Variants in ZNF208 observed in about 807,000 individuals in gnomAD.
The protein encoded by ZNF208 is zinc finger protein 95.
In ZNF208, 10 loss-of-function variants were observed where a neutral mutation model predicts 12.1. The observed-to-expected ratio is 0.83, with a 90% CI of 0.51 to 1.40. ZNF208 has a LOEUF of 1.40. Ranked by LOEUF, ZNF208 falls within the 40% of genes most tolerant of loss-of-function variation. ZNF208 has a pLI of 0.00. For missense variants in ZNF208, 1,652 were observed against 1,485.0 expected (o/e 1.11, Z -1.85); for synonymous variants, 497 against 488.4 (o/e 1.02, Z -0.23).
intron 3 of ZNF208, among the ~76,000 whole-genome samples, chr19:21,983,758 A>C (rs1481231974): frequency 6.6e-6 from 1 of 152,156 alleles, no homozygotes; most frequent in African/African-American, 2.4e-5. Flanking sequence ...AAGAACAGAA[A>C]ACGAAACACA....
In ZNF208 at chr19:21,982,594, T is replaced by C. The variant is rs558505296; in HGVS notation, c.226+4622A>G. ...AAAAAGAACAAAGCTGGAGGCATCA[T>C]GCTACCTGACTTCAAATTACCCTAT... On this transcript the variant is annotated intron_variant, in intron 3 of 3. Coordinates refer to ENST00000397126, the MANE Select transcript of ZNF208 (RefSeq NM_007153.3). 3.9e-5 allele frequency among the ~76,000 whole-genome samples: 6 copies of C among 152,188 alleles called. No individual in the cohort carries two copies. In the East Asian group the frequency reaches 7.7e-4, roughly 20 times the overall value.
rs149405849 is a variant in ZNF208 at position 21,970,285 on chromosome 19, A to G, written c.*906T>C. Among the ~76,000 whole-genome samples the G allele has an allele frequency of 1.7e-3, 264 of 152,246 alleles. No individual in the cohort carries two copies. The highest frequency in any genetic ancestry group is 5.8e-3 in the African/African-American group (242 of 41,568). On this transcript the variant is annotated 3_prime_UTR_variant, in exon 4 of 4. Transcript: ENST00000397126. Reference sequence around the variant, plus strand: ...CACACATGCATGGTTTCTCTCCAGTATGAGTTGTCTTATATGTAGTAAGCC... The same window carrying G: ...CACACATGCATGGTTTCTCTCCAGTGTGAGTTGTCTTATATGTAGTAAGCC...
At chr19:21,950,897 A>G (rs1969878357) in intron 4 of ZNF208, among the ~76,000 whole-genome samples, 1 of 152,228 alleles carries the variant, frequency 6.6e-6, no homozygotes, top group Admixed American at 6.5e-5. Flanking sequence ...CTGTTTGTCT[A>G]GATGGTTATA....
intron 4 of ZNF208, among the ~76,000 whole-genome samples, chr19:21,958,305 C>CA (rs2145524574): frequency 6.6e-6 from 1 of 152,036 alleles, no homozygotes; most frequent in East Asian, 1.9e-4. Flanking sequence ...TCCTGTAAGC[C>CA]AACCAGCAAT....
At chr19:21,963,344 T>A (rs1970109481), downstream of ZNF208, among the ~76,000 whole-genome samples, 1 of 152,110 alleles carries the variant, frequency 6.6e-6, no homozygotes, top group Non-Finnish European at 1.5e-5. Context: ...GAATCTAAAT[T>A]GAGTACTATA....
intron 1 of ZNF208, among the ~76,000 whole-genome samples, chr19:22,007,260 C>T (rs908918410): frequency 2.0e-5 from 3 of 152,120 alleles, no homozygotes; most frequent in African/African-American, 4.8e-5. Context: ...TGGCTCATGC[C>T]TGTAATCCCA....
intron 3 of ZNF208, among the ~76,000 whole-genome samples, chr19:21,981,813 C>T (rs1396067937): frequency 6.6e-6 from 1 of 152,126 alleles, no homozygotes; most frequent in Non-Finnish European, 1.5e-5. Context: ...GAAAACCCCA[C>T]TGTCTCAGCC....
rs931940246 is a variant in ZNF208 at position 21,966,183 on chromosome 19, T to C, written c.*5008A>G. 2.0e-5 allele frequency: 3 copies of C among 152,078 alleles called. No individual in the cohort carries two copies. Among genetic ancestry groups the C allele is most frequent in the African/African-American group, 7.2e-5 (3 of 41,444 alleles). 9.4% of individuals were successfully genotyped at this position (152,078 alleles called of 1,614,324 possible). A position where few individuals can be genotyped will look rare whatever the true frequency, so the allele number is the denominator to read the frequency against. ...ACAGGTAGACTACATGATGTTGAGG[T>C]TTGGATACTTAATAATTCCATTGCC... On this transcript the variant is annotated 3_prime_UTR_variant, in exon 4 of 4. Coordinates refer to ENST00000397126, the MANE Select transcript of ZNF208 (RefSeq NM_007153.3).
chr19:21,974,440 C>G lies in ZNF208; in HGVS notation c.594G>C (p.Glu198Asp). 6.2e-7 allele frequency: 1 copy of G among 1,613,790 alleles called. No homozygotes were observed. The highest frequency in any genetic ancestry group is 1.1e-5 in the South Asian group (1 of 91,068). Residue 198 changes from glutamate (E) to aspartate (D), a missense_variant, in exon 4 of 4, where the codon GAG becomes GAC. Coordinates refer to ENST00000397126, the MANE Select transcript of ZNF208 (RefSeq NM_007153.3). ...CACCTTCTTCACATTTGTAGGAATT[C>G]TCTCTAGTATAAATTCTTTTATGTT... is the stretch of plus-strand genomic sequence containing the variant. The part of the protein sequence containing the change: ...LSQHKRIYTR[E>D]NSYKCEEGGK...
intron 4 of ZNF208, among the ~76,000 whole-genome samples, chr19:21,956,123 G>A (rs936240106): frequency 6.6e-6 from 1 of 152,198 alleles, no homozygotes; most frequent in Admixed American, 6.5e-5. Context: ...GTTTGCCTGG[G>A]TATCACCAGC....
intron 3 of ZNF208, among the ~76,000 whole-genome samples, chr19:21,976,037 A>G (rs1355948187): frequency 6.6e-6 from 1 of 152,058 alleles, no homozygotes; most frequent in Non-Finnish European, 1.5e-5. Context: ...ACCTAATCAT[A>G]TAAAAATACA....
At chr19:21,955,256 C>G (rs1286867376) in intron 4 of ZNF208, among the ~76,000 whole-genome samples, 3 of 151,984 alleles carry the variant, frequency 2.0e-5, no homozygotes, top group Non-Finnish European at 4.4e-5. Flanking sequence ...TGGCTGCCCT[C>G]AACATTTTTT....
Position 21,972,115 on chromosome 19 carries a change from G to A in ZNF208, c.2919C>T (p.Tyr973=), listed in dbSNP as rs1202750833. The change falls in exon 4 of 4, where the codon TAC becomes TAT. Residue 973 remains tyrosine (Y), a synonymous_variant. Transcript: ENST00000397126. ...HKKIHTEEKP[Y]KYEECGKGFS... ...AGCCTTTGCCACATTCTTCATATTT[G>A]TAAGGTTTCTCTTCAGTATGAATTT... 3 of 1,609,976 alleles carry A rather than the reference G, an allele frequency of 1.9e-6. No individual in the cohort carries two copies. Among genetic ancestry groups the A allele is most frequent in the Admixed American group, 1.7e-5 (1 of 59,666 alleles).
Position 22,010,901 on chromosome 19 carries a change from T to C in ZNF208, c.-107A>G. ...TCTAGGAGCAGAGGACACACAGCAG[T>C]AAGGACGAGACCTTGACCTCCGGCT... On this transcript the variant is annotated 5_prime_UTR_variant, in exon 1 of 4. Transcript: ENST00000397126. 6.5e-7 allele frequency: 1 copy of C among 1,533,192 alleles called. No individual in the cohort carries two copies. Among genetic ancestry groups the C allele is most frequent in the South Asian group, 1.1e-5 (1 of 88,660 alleles). 95.0% of individuals were successfully genotyped at this position (1,533,192 alleles called of 1,614,324 possible). A position where few individuals can be genotyped will look rare whatever the true frequency, so the allele number is the denominator to read the frequency against.
At chr19:21,989,267 G>C (rs564629967) in intron 1 of ZNF208, among the ~76,000 whole-genome samples, 232 of 119,138 alleles carry the variant, frequency 1.9e-3, no homozygotes, top group African/African-American at 7.4e-3. Flanking sequence ...TCCCCAGACT[G>C]TGATGTTCCC....
At chr19:21,948,932 G>A (rs914363865) in intron 4 of ZNF208, among the ~76,000 whole-genome samples, 1 of 152,160 alleles carries the variant, frequency 6.6e-6, no homozygotes, top group Non-Finnish European at 1.5e-5. Context: ...GAGTCCTTGT[G>A]ATCCTATGGA....
chr19:21,994,954 C>T (rs10416816), intron 1 of ZNF208, among the ~76,000 whole-genome samples: 88,605 of 144,498 alleles, frequency 0.61, 27,371 homozygotes, highest in African/African-American at 0.71. Context: ...TTTTTCTTTT[C>T]TTTTTTTTTT....
At chr19:21,965,872 G>A (rs138450162), downstream of ZNF208, 1,751 of 151,774 alleles carry the variant, frequency 0.012, 35 homozygotes, top group African/African-American at 0.041. Context: ...CTATAGTGTA[G>A]TGTACAGTTA....
chr19:21,987,391 A>T (rs1970646581), intron 2 of ZNF208, 80 bp from the exon 3 acceptor site: 1 of 1,306,120 alleles, frequency 7.7e-7, no homozygotes, highest in African/African-American at 1.5e-5. Context: ...AGTAAAGAGG[A>T]TGTAATAGAA....
Sources: gnomAD v4.1 joint callset for allele counts (sites outside exome capture counted in the v4.1 genomes callset) on GRCh38, gnomAD v4.1.1 for gene constraint, MANE v1.5 for transcripts, NCBI Gene and HGNC (gene_info 2026-07-23, HGNC 2026-07-21) for gene names.